CFAP251: variants seen among roughly 807,000 people sequenced by gnomAD.
The protein encoded by CFAP251 is cilia- and flagella-associated protein 251.
CFAP251 carries 93 observed loss-of-function variants against 126.7 expected under a neutral mutation model. That is an observed-to-expected ratio of 0.73 (90% CI 0.62 to 0.87). The LOEUF (loss-of-function observed/expected upper bound fraction) is 0.87, where lower values mean the gene tolerates loss of function less well. Ranked by LOEUF, CFAP251 falls within the 40% of genes least tolerant of loss-of-function variation. The pLI is 0.00. For synonymous variants in CFAP251, 503 were observed against 506.9 expected, an observed-to-expected ratio of 0.99 and a Z score of 0.10; for missense variants, 1,287 against 1,389.2, an observed-to-expected ratio of 0.93 and a Z score of 1.17.
In CFAP251 at chr12:121,958,537, T is replaced by G. The variant is rs992746883; in HGVS notation, c.1981+15T>G. On this transcript the variant is annotated intron_variant, in intron 12 of 21. Coordinates refer to ENST00000288912, the MANE Select transcript of CFAP251 (RefSeq NM_144668.6). Reference sequence around the variant, plus strand: ...CAACCCCGAAGGTATTTTCATCTTATCAGCCTACCATCGGTTCCACATGGA... The same window carrying G: ...CAACCCCGAAGGTATTTTCATCTTAGCAGCCTACCATCGGTTCCACATGGA... 6.2e-7 allele frequency: 1 copy of G among 1,613,886 alleles called. No individual in the cohort carries two copies. Among genetic ancestry groups the G allele is most frequent in the African/African-American group, 1.3e-5 (1 of 74,948 alleles).
intron 13 of CFAP251, 94 bp downstream of exon 13, chr12:121,959,188 A>C: frequency 7.7e-7 from 1 of 1,306,002 alleles, no homozygotes; most frequent in Non-Finnish European, 1.0e-6. Flanking sequence ...TGTAATCCCA[A>C]TGATTTGGGA....
intron 20 of CFAP251, 82 bp from the exon 21 acceptor site, chr12:122,001,415 C>T: frequency 8.1e-7 from 1 of 1,233,802 alleles, no homozygotes; most frequent in Non-Finnish European, 1.2e-6. Context: ...CTCTTTAAGA[C>T]CTCTGAATAA....
chr12:121,962,747 G>T (rs1471814011), intron 15 of CFAP251, among the ~76,000 whole-genome samples: 1 of 152,088 alleles, frequency 6.6e-6, no homozygotes, highest in Non-Finnish European at 1.5e-5. Context: ...AGGTGGGGAG[G>T]CAGGGAAGGC....
intron 18 of CFAP251, 25 bp from the exon 19 acceptor site, chr12:121,975,517 G>C (rs373887213): frequency 2.7e-5 from 44 of 1,604,882 alleles, no homozygotes; most frequent in Non-Finnish European, 3.2e-5. Flanking sequence ...AATGTGTGTT[G>C]TGTTTCCGTT....
chr12:121,935,986 G>C (rs1880881102), intron 5 of CFAP251, among the ~76,000 whole-genome samples: 1 of 152,196 alleles, frequency 6.6e-6, no homozygotes. Context: ...ATCCAACAAG[G>C]AAAGGTGGAA....
chr12:121,955,507 G>A (rs957815534), intron 10 of CFAP251, among the ~76,000 whole-genome samples: 2 of 152,094 alleles, frequency 1.3e-5, no homozygotes, highest in African/African-American at 4.8e-5. Flanking sequence ...AGGATTTCAC[G>A]AGATATGGAT....
chr12:121,992,000 A>T (rs1003805996), intron 19 of CFAP251, among the ~76,000 whole-genome samples: 4 of 152,170 alleles, frequency 2.6e-5, no homozygotes, highest in Non-Finnish European at 5.9e-5. Flanking sequence ...TCTAAAAAAA[A>T]AAATCAGGTT....
chr12:121,943,088 T>G, intron 7 of CFAP251, 113 bp downstream of exon 7: 1 of 1,119,828 alleles, frequency 8.9e-7, no homozygotes, highest in Admixed American at 2.0e-5. Context: ...CTGAGGTAGG[T>G]TATCACTTGA....
intron 11 of CFAP251, among the ~76,000 whole-genome samples, chr12:121,957,690 C>G (rs193255520): frequency 8.3e-6 from 1 of 121,130 alleles, no homozygotes; most frequent in Non-Finnish European, 1.6e-5. Context: ...GGCGACAGAG[C>G]GAGACTCTGT....
chr12:121,997,596 C>A (rs1384687089), intron 19 of CFAP251: 1 of 145,848 alleles, frequency 6.9e-6, no homozygotes, highest in Middle Eastern at 3.2e-3. Flanking sequence ...TTTTTTTTTA[C>A]AATATTTTGT....
chr12:121,965,627 G>A (rs1244979375), intron 15 of CFAP251, among the ~76,000 whole-genome samples: 1 of 152,068 alleles, frequency 6.6e-6, no homozygotes, highest in Non-Finnish European at 1.5e-5. Context: ...GTGTAATGAC[G>A]TGGAAATATC....
intron 19 of CFAP251, among the ~76,000 whole-genome samples, chr12:121,978,393 C>CAAGAAAAAAAAAA (rs1882531864): frequency 2.4e-5 from 1 of 42,120 alleles, no homozygotes; most frequent in Non-Finnish European, 4.0e-5. Flanking sequence ...GACTCTGTCT[C>CAAGAAAAAAAAAA]AAAAAAAAAA....
At position 121,976,167 on chromosome 12, in the gene CFAP251, C is replaced by G. The variant is rs187114025; in HGVS notation, c.3006+482C>G. Among the ~76,000 whole-genome samples the G allele has an allele frequency of 4.2e-3, 644 of 152,132 alleles. 3 individuals are homozygous for G. Among genetic ancestry groups the G allele is most frequent in the African/African-American group, 0.014 (601 of 41,492 alleles). ...GGGATTACAGACACCCACCACCACG[C>G]CCCGCTAATTTTTGTATTTTTAGTA... is the stretch of plus-strand genomic sequence containing the variant. On this transcript the variant is annotated intron_variant, in intron 19 of 21. Coordinates refer to ENST00000288912, the MANE Select transcript of CFAP251 (RefSeq NM_144668.6).
intron 20 of CFAP251, among the ~76,000 whole-genome samples, chr12:122,000,902 G>A (rs1310979604): frequency 6.6e-6 from 1 of 151,822 alleles, no homozygotes; most frequent in East Asian, 1.9e-4. Context: ...TGTGTCTAAA[G>A]AAAAGGGGCT....
rs1341857506 is a variant in CFAP251, at chr12:121,974,936, C to T, written c.2772-308C>T. 6.6e-6 allele frequency among the ~76,000 whole-genome samples: 1 copy of T among 152,070 alleles called. No individual in the cohort carries two copies. The highest frequency in any genetic ancestry group is 6.6e-5 in the Admixed American group (1 of 15,260). ...GTGGTTTCAGAACACAGGATGCCTC[C>T]CCCACCCCCAGGAGAGACATGTTCC... On this transcript the variant is annotated intron_variant, in intron 17 of 21. Coordinates refer to ENST00000288912, the MANE Select transcript of CFAP251 (RefSeq NM_144668.6). This position sits in a 1 kb window ranked among gnomAD's most constrained non-coding sequence, Gnocchi z 4.6.
intron 2 of CFAP251, among the ~76,000 whole-genome samples, chr12:121,922,581 G>T (rs1880230258): frequency 6.6e-6 from 1 of 152,150 alleles, no homozygotes; most frequent in African/African-American, 2.4e-5. Context: ...GAGTCGGTAT[G>T]ATAATAGGAG....
intron 19 of CFAP251, among the ~76,000 whole-genome samples, chr12:121,979,596 GCT>G (rs1431094541): frequency 2.4e-5 from 2 of 85,030 alleles, no homozygotes; most frequent in Middle Eastern, 0.013. Flanking sequence ...ACAGCATCTT[GCT>G]CTGTCACGCA....
intron 10 of CFAP251, among the ~76,000 whole-genome samples, chr12:121,954,678 G>A (rs902422924): frequency 7.3e-5 from 9 of 123,044 alleles, no homozygotes; most frequent in African/African-American, 2.5e-4. Context: ...ACCTCTTTTG[G>A]ATGTATATGC....
chr12:121,967,178 C>CA, intron 16 of CFAP251, 109 bp downstream of exon 16: 1 of 956,970 alleles, frequency 1.0e-6, no homozygotes, highest in South Asian at 1.5e-5. Flanking sequence ...CAGCCAAGCC[C>CA]AACTGCTTCC....
Sources: allele counts gnomAD v4.1 joint callset (sites outside exome capture counted in the v4.1 genomes callset), GRCh38; gene constraint gnomAD v4.1.1; non-coding constraint Gnocchi (gnomAD v3.1); transcripts MANE v1.5; gene names NCBI Gene and HGNC (gene_info 2026-07-23, HGNC 2026-07-21).